Variants in SNX24 observed in about 807,000 individuals in gnomAD.
SNX24 encodes the protein sorting nexin-24.
In SNX24, 22 loss-of-function variants were observed where a neutral mutation model predicts 28.7. The observed-to-expected ratio is 0.77, with a 90% confidence interval of 0.55 to 1.10. The LOEUF (loss-of-function observed/expected upper bound fraction) is 1.10, where lower values mean the gene tolerates loss of function less well. Ranked by LOEUF, SNX24 falls within the 50% of genes least tolerant of loss-of-function variation. The pLI is 0.00. For missense variants in SNX24, 221 were observed against 201.1 expected (o/e 1.10, Z -0.60); for synonymous variants, 69 against 71.5 (o/e 0.96, Z 0.18).
At chr5:122,990,660 G>T (rs547636339) in intron 3 of SNX24, among the ~76,000 whole-genome samples, 1 of 152,136 alleles carries the variant, frequency 6.6e-6, no homozygotes, top group East Asian at 1.9e-4. Flanking sequence ...GTCTCCTAAG[G>T]CTGTCTGTAG....
intron 3 of SNX24, among the ~76,000 whole-genome samples, chr5:122,995,846 T>C (rs1214124411): frequency 1.3e-5 from 2 of 152,168 alleles, no homozygotes; most frequent in African/African-American, 2.4e-5. Context: ...ATTAAGTAGA[T>C]AGCACTGGGC....
At chr5:122,945,950 A>T in intron 2 of SNX24, 105 bp from the exon 3 acceptor site, 1 of 575,968 alleles carries the variant, frequency 1.7e-6, no homozygotes, top group Non-Finnish European at 3.1e-6. Flanking sequence ...AGATAGCAGT[A>T]GTTCACTTTC....
At chr5:122,928,130 C>A (rs144162875) in intron 1 of SNX24, among the ~76,000 whole-genome samples, 1 of 152,170 alleles carries the variant, frequency 6.6e-6, no homozygotes, top group Non-Finnish European at 1.5e-5. Context: ...GCCACTCAGA[C>A]CTTCCCTCTA....
chr5:122,926,792 G>A (rs560152671), intron 1 of SNX24, among the ~76,000 whole-genome samples: 22 of 152,176 alleles, frequency 1.4e-4, no homozygotes, highest in East Asian at 5.8e-4. Flanking sequence ...CCACTGGACC[G>A]TGTGCTCATC....
chr5:123,009,024 G>A lies in SNX24; in HGVS notation c.*1275G>A, dbSNP rs1056096267. 5.1e-6 allele frequency: 5 copies of A among 985,516 alleles called. No individual in the cohort carries two copies. The highest frequency in any genetic ancestry group is 5.2e-4 in the Middle Eastern group (1 of 1,934). 61.0% of individuals were successfully genotyped at this position (985,516 alleles called of 1,614,324 possible). ...TTTTGATTAGGATCTAAATATTCAG[G>A]TTTTAAGCCTGCTGCAAACTTTTAA... is the stretch of plus-strand genomic sequence containing the variant. On this transcript the variant is annotated 3_prime_UTR_variant, in exon 7 of 7. Transcript: ENST00000261369.
At chr5:122,846,320 G>T (rs1283532049) in intron 1 of SNX24, among the ~76,000 whole-genome samples, 3 of 151,968 alleles carry the variant, frequency 2.0e-5, no homozygotes, top group Non-Finnish European at 4.4e-5. Flanking sequence ...GAAGGGGAGG[G>T]CAGAGACCAG....
intron 1 of SNX24, among the ~76,000 whole-genome samples, chr5:122,922,697 T>A (rs935402919): frequency 6.6e-6 from 1 of 152,170 alleles, no homozygotes; most frequent in Non-Finnish European, 1.5e-5. Flanking sequence ...AAATTACAAT[T>A]TTTCCCCCAG....
At chr5:122,890,850 G>A (rs1756938757) in intron 1 of SNX24, among the ~76,000 whole-genome samples, 3 of 152,170 alleles carry the variant, frequency 2.0e-5, no homozygotes, top group Admixed American at 2.0e-4. Context: ...GAAATGAGCT[G>A]TAGTTGAGCA....
At chr5:122,991,691 C>G (rs1409448752) in intron 3 of SNX24, among the ~76,000 whole-genome samples, 1 of 152,160 alleles carries the variant, frequency 6.6e-6, no homozygotes, top group African/African-American at 2.4e-5. Context: ...GAACTCCTGC[C>G]CTCAAGTGAT....
At chr5:122,851,972 T>C (rs1327104345) in intron 1 of SNX24, among the ~76,000 whole-genome samples, 2 of 151,956 alleles carry the variant, frequency 1.3e-5, no homozygotes, top group Non-Finnish European at 2.9e-5. Flanking sequence ...ATCCAGTTTC[T>C]GGTTGTTTTT....
intron 3 of SNX24, among the ~76,000 whole-genome samples, chr5:122,955,219 T>C (rs186833219): frequency 6.6e-6 from 1 of 152,264 alleles, no homozygotes; most frequent in East Asian, 1.9e-4. Context: ...AAATTCCCAT[T>C]TGTTCTTCTT....
At chr5:123,019,263 T>TA (rs1934342079) in intron 5 of SNX24, among the ~76,000 whole-genome samples, 1 of 151,188 alleles carries the variant, frequency 6.6e-6, no homozygotes, top group African/African-American at 2.4e-5. Context: ...CCATTACAAA[T>TA]ACTGTTTTTA....
In SNX24 at chr5:122,919,004, A is replaced by G. The variant is rs1758303814; in HGVS notation, c.61-17730A>G. ...GTGCAATTACAACTTTTTGTCGCTT[A>G]TTAAGACTTCAGAGATACAAACCAG... is the stretch of plus-strand genomic sequence containing the variant. On this transcript the variant is annotated intron_variant, in intron 1 of 6. Transcript: ENST00000261369. Among the ~76,000 whole-genome samples, 2 of 152,220 alleles carry G rather than the reference A, an allele frequency of 1.3e-5. 1 individual carries two copies. Among genetic ancestry groups the G allele is most frequent in the Admixed American group, 1.3e-4 (2 of 15,284 alleles).
chr5:123,009,480 G>A (rs1343193454), downstream of SNX24, among the ~76,000 whole-genome samples: 1 of 152,148 alleles, frequency 6.6e-6, no homozygotes, highest in African/African-American at 2.4e-5. Flanking sequence ...TCTTTTCTGA[G>A]AATTAAGTTT....
intron 1 of SNX24, among the ~76,000 whole-genome samples, chr5:122,910,610 C>T: frequency 9.8e-6 from 1 of 101,530 alleles, no homozygotes; most frequent in Non-Finnish European, 1.9e-5. Context: ...TAATGCTATC[C>T]CTCCCCCCTC....
At chr5:123,014,961 T>G (rs1762655684) in intron 5 of SNX24, among the ~76,000 whole-genome samples, 1 of 152,218 alleles carries the variant, frequency 6.6e-6, no homozygotes, top group Admixed American at 6.5e-5. Flanking sequence ...AAATGTCATC[T>G]TTTCAAAGAG....
chr5:122,845,788 G>A (rs1379744163), intron 1 of SNX24, 95 bp downstream of exon 1: 2 of 679,822 alleles, frequency 2.9e-6, no homozygotes, highest in African/African-American at 1.9e-5. Context: ...CTTGGCGCAG[G>A]GGGTCCCCTC....
chr5:122,946,425 A>C (rs897113823), intron 3 of SNX24, among the ~76,000 whole-genome samples: 1 of 151,902 alleles, frequency 6.6e-6, no homozygotes, highest in South Asian at 2.1e-4. Flanking sequence ...TTTTAATTCA[A>C]CTCTACAAAT....
intron 1 of SNX24, among the ~76,000 whole-genome samples, chr5:122,854,750 A>G (rs1027687749): frequency 6.6e-6 from 1 of 152,160 alleles, no homozygotes; most frequent in Non-Finnish European, 1.5e-5. Context: ...TCTCTTCTGT[A>G]CAGGTATACC....
Sources: allele counts gnomAD v4.1 joint callset (sites outside exome capture counted in the v4.1 genomes callset), GRCh38; gene constraint gnomAD v4.1.1; transcripts MANE v1.5; gene names NCBI Gene and HGNC (gene_info 2026-07-23, HGNC 2026-07-21).